MTDH: variants seen among roughly 807,000 people sequenced by gnomAD.
The protein encoded by MTDH is protein LYRIC.
A neutral mutation model predicts 72.7 loss-of-function variants in MTDH; 34 were observed. That is an observed-to-expected ratio of 0.47 (90% CI 0.36 to 0.62). The LOEUF (loss-of-function observed/expected upper bound fraction) is 0.62. Among genes scored for constraint, MTDH ranks in the 20% least tolerant of loss-of-function variants. The pLI, the probability that MTDH is intolerant of heterozygous loss-of-function variation, is 0.00. For missense variants in MTDH, 677 were observed against 699.4 expected, an observed-to-expected ratio of 0.97 and a Z score of 0.36; for synonymous variants, 266 against 268.9, an observed-to-expected ratio of 0.99 and a Z score of 0.10.
intron 11 of MTDH, among the ~76,000 whole-genome samples, chr8:97,723,992 G>T (rs1815252796): frequency 6.7e-6 from 1 of 149,268 alleles, no homozygotes. Context: ...ATCTGTAATC[G>T]CAGCTACTCG....
chr8:97,677,656 CAATA>C (rs1162486759), intron 2 of MTDH, among the ~76,000 whole-genome samples: 1 of 151,946 alleles, frequency 6.6e-6, no homozygotes, highest in African/African-American at 2.4e-5. Context: ...TTTGAAATAA[CAATA>C]TGTTTATACT....
intron 7 of MTDH, among the ~76,000 whole-genome samples, chr8:97,704,879 A>ATTTT (rs1814284376): frequency 6.6e-6 from 1 of 152,254 alleles, no homozygotes; most frequent in Non-Finnish European, 1.5e-5. Context: ...ACTAAATAAG[A>ATTTT]GTAATGCAAA....
intron 2 of MTDH, among the ~76,000 whole-genome samples, chr8:97,677,020 A>AAAAATAC (rs1812876803): frequency 7.0e-6 from 1 of 142,302 alleles, no homozygotes; most frequent in Non-Finnish European, 1.5e-5. Context: ...AAAAAAAAAA[A>AAAAATAC]AAAAATACAA....
At chr8:97,668,229 G>A (rs1812469306) in intron 2 of MTDH, among the ~76,000 whole-genome samples, 1 of 152,156 alleles carries the variant, frequency 6.6e-6, no homozygotes, top group South Asian at 2.1e-4. Flanking sequence ...GGAGCTTGCA[G>A]TGAGCCCAAA....
chr8:97,695,940 A>G (rs773665157), intron 6 of MTDH, among the ~76,000 whole-genome samples: 6 of 152,234 alleles, frequency 3.9e-5, no homozygotes, highest in Non-Finnish European at 8.8e-5. Context: ...CTTAAGCTGC[A>G]TTCGTGGCTC....
chr8:97,664,937 T>A (rs1812320244), intron 2 of MTDH, among the ~76,000 whole-genome samples: 2 of 152,158 alleles, frequency 1.3e-5, no homozygotes, highest in African/African-American at 4.8e-5. Flanking sequence ...TTTTTTGTAT[T>A]TTTAGTAGAG....
chr8:97,661,195 A>C, intron 2 of MTDH, 22 bp downstream of exon 2: 1 of 1,524,990 alleles, frequency 6.6e-7, no homozygotes, highest in Non-Finnish European at 9.0e-7. Context: ...AGCATATGAA[A>C]TTGTATGCAA....
At chr8:97,648,589 C>G (rs765470486) in intron 1 of MTDH, among the ~76,000 whole-genome samples, 29 of 151,714 alleles carry the variant, frequency 1.9e-4, no homozygotes, top group Non-Finnish European at 3.1e-4. Context: ...AAACTCCTGG[C>G]CTCAAGCCAT....
Position 97,644,222 on chromosome 8 carries a change from T to G in MTDH, c.-285T>G, listed in dbSNP as rs927336557. ...TCCGCCGAGGGAGGACAGCGGGGCCTGGCGCTGGCGCCGAGACGCCGCTTA... is the reference window on the plus strand; with the variant it reads ...TCCGCCGAGGGAGGACAGCGGGGCCGGGCGCTGGCGCCGAGACGCCGCTTA... On this transcript the variant is annotated 5_prime_UTR_variant, in exon 1 of 12. Coordinates refer to ENST00000336273, the MANE Select transcript of MTDH (RefSeq NM_178812.4). The G allele has an allele frequency of 1.3e-5, 6 of 462,468 alleles. No individual in the cohort carries two copies. Among genetic ancestry groups the G allele is most frequent in the African/African-American group, 1.2e-4 (6 of 48,032 alleles). The allele number at this position is 462,468 out of a possible 1,614,324, so 28.6% of individuals were successfully genotyped here. A position where few individuals can be genotyped will look rare whatever the true frequency, so the allele number is the denominator to read the frequency against.
intron 9 of MTDH, among the ~76,000 whole-genome samples, chr8:97,716,444 A>G (rs2131074452): frequency 6.6e-6 from 1 of 151,510 alleles, no homozygotes. Flanking sequence ...TAATCCCAGC[A>G]CCTGTGAGGC....
chr8:97,679,486 T>A (rs1046577335), intron 2 of MTDH, among the ~76,000 whole-genome samples: 1 of 152,150 alleles, frequency 6.6e-6, no homozygotes, highest in Non-Finnish European at 1.5e-5. Flanking sequence ...AGTTGGAGAA[T>A]TAGGTTGAAA....
chr8:97,656,048 T>G (rs186021984), intron 1 of MTDH, among the ~76,000 whole-genome samples: 85 of 152,160 alleles, frequency 5.6e-4, no homozygotes, highest in Non-Finnish European at 9.3e-4. Context: ...TTCCATTTTT[T>G]GGGGGAAGTT....
intron 9 of MTDH, among the ~76,000 whole-genome samples, chr8:97,715,101 C>T (rs913387016): frequency 1.3e-5 from 2 of 152,052 alleles, no homozygotes; most frequent in African/African-American, 4.8e-5. Context: ...GCTGGGATTA[C>T]AGGCGTGAAC....
chr8:97,697,366 A>G (rs1813903461), intron 6 of MTDH, among the ~76,000 whole-genome samples: 1 of 148,268 alleles, frequency 6.7e-6, no homozygotes, highest in African/African-American at 2.5e-5. Flanking sequence ...CTGGTTCCAA[A>G]ATATTATTAT....
At chr8:97,697,150 A>ATATATATATATATTTT in intron 6 of MTDH, among the ~76,000 whole-genome samples, 1 of 68,800 alleles carries the variant, frequency 1.5e-5, no homozygotes, top group African/African-American at 9.1e-5. Context: ...ATATATATAT[A>ATATATATATATATTTT]TTTTTTTTTT....
At chr8:97,673,626 C>T (rs1238198160) in intron 2 of MTDH, among the ~76,000 whole-genome samples, 1 of 151,044 alleles carries the variant, frequency 6.6e-6, no homozygotes, top group African/African-American at 2.4e-5. Context: ...CGCTGTTGCA[C>T]TCCAGCCTGG....
chr8:97,721,077 A>G (rs1815101621), intron 10 of MTDH, among the ~76,000 whole-genome samples: 1 of 152,156 alleles, frequency 6.6e-6, no homozygotes, highest in African/African-American at 2.4e-5. Flanking sequence ...AAAAATAAGT[A>G]ACAATAAAAC....
At chr8:97,700,897 T>C (rs1237636072) in intron 7 of MTDH, among the ~76,000 whole-genome samples, 1 of 152,048 alleles carries the variant, frequency 6.6e-6, no homozygotes, top group Non-Finnish European at 1.5e-5. Context: ...GGCGACACAG[T>C]GGTTAAAGCA....
At chr8:97,689,152 A>G (rs1330433113) in intron 5 of MTDH, 49 bp downstream of exon 5, 1 of 957,786 alleles carries the variant, frequency 1.0e-6, no homozygotes, top group East Asian at 2.4e-5. Context: ...CAAAATAGAA[A>G]TTTATATACA....
Sources: allele counts gnomAD v4.1 joint callset (sites outside exome capture counted in the v4.1 genomes callset), GRCh38; gene constraint gnomAD v4.1.1; transcripts MANE v1.5; gene names NCBI Gene and HGNC (gene_info 2026-07-23, HGNC 2026-07-21).